TUT4: variants seen among roughly 807,000 people sequenced by gnomAD.
The protein encoded by TUT4 is terminal uridylyl transferase 4.
Under a neutral mutation model 192.2 loss-of-function variants are expected in TUT4, and 36 were observed. That is an observed-to-expected ratio of 0.19 (90% confidence interval 0.14 to 0.25). The LOEUF (loss-of-function observed/expected upper bound fraction) is 0.25, where lower values mean the gene tolerates loss of function less well. Among genes scored for constraint, TUT4 ranks in the 10% least tolerant of loss-of-function variants. The pLI, the probability that TUT4 is intolerant of heterozygous loss-of-function variation, is 1.00. For synonymous variants in TUT4, 618 were observed against 666.0 expected, an observed-to-expected ratio of 0.93 and a Z score of 1.11; for missense variants, 1,493 against 1,957.2, an observed-to-expected ratio of 0.76 and a Z score of 4.47.
chr1:52,463,672 C>T (rs1223605657), intron 16 of TUT4: 1 of 1,303,986 alleles, frequency 7.7e-7, no homozygotes, highest in African/African-American at 1.5e-5. Flanking sequence ...TACAAGGATA[C>T]CCTCCTTTGC....
Position 52,493,668 on chromosome 1 carries a change from A to G in TUT4, c.1267-6T>C, listed in dbSNP as rs756271742. The G allele has an allele frequency of 2.5e-5, 37 of 1,497,246 alleles. No homozygotes were observed. The East Asian group carries it at 3.2e-4, about 13-fold the overall frequency. 92.7% of individuals were successfully genotyped at this position (1,497,246 alleles called of 1,614,324 possible). ...AGAAGATCTGGATGATTCATCTAAA[A>G]AAGTTTCAAAAATAAATCGATATAC... On this transcript the variant is annotated splice_polypyrimidine_tract_variant and splice_region_variant and intron_variant, in intron 6 of 29. Transcript: ENST00000257177.
In TUT4 at chr1:52,481,648, G is replaced by A; in HGVS notation, c.1636-13C>T. On this transcript the variant is annotated splice_polypyrimidine_tract_variant and intron_variant, in intron 10 of 29. Transcript: ENST00000257177. The stretch of plus-strand genomic sequence containing the variant: ...CAAAGCCTTCAATCTATATAAAAAG[G>A]CATTCCAAATTGGTAGTGGAAAAAT... The A allele has an allele frequency of 1.3e-6, 2 of 1,571,770 alleles. No individual in the cohort carries two copies. The highest frequency in any genetic ancestry group is 1.4e-5 in the African/African-American group (1 of 72,324).
Position 52,535,371 on chromosome 1 carries a change from ACT to A in TUT4, c.-93-9000_-93-8999del, listed in dbSNP as rs1240825842. ...TTCTATCATATTTTTATTTCTAAGA[ACT>A]CTCTCTAATTATTCCTTTTCACAGC... On this transcript the variant is annotated intron_variant, in intron 1 of 29. Transcript: ENST00000257177. Among the ~76,000 whole-genome samples, 11 of 151,928 alleles carry A rather than the reference ACT, an allele frequency of 7.2e-5. No individual in the cohort carries two copies. The South Asian group carries it at 2.3e-3, about 32-fold the overall frequency.
Position 52,515,984 on chromosome 1 carries a change from C to T in TUT4, c.789G>A (p.Val263=). 1 of 1,613,580 alleles carries T rather than the reference C, an allele frequency of 6.2e-7. No individual in the cohort carries two copies. The highest frequency in any genetic ancestry group is 1.7e-5 in the Admixed American group (1 of 59,942). The stretch of plus-strand genomic sequence containing the variant: ...CAGGTGTCAATGCAGATTCATCTAT[C>T]ACAGTGGCATTTTCTAAGTAGTCCA... The part of the protein sequence containing the change: ...SEMDYLENAT[V]IDESALTPEQ... The change falls in exon 3 of 30, where the codon GTG becomes GTA. Residue 263 remains valine (V), a synonymous_variant. Transcript: ENST00000257177.
In TUT4 at chr1:52,509,600, A is replaced by G. The variant is rs768097082; in HGVS notation, c.995T>C (p.Ile332Thr). The G allele has an allele frequency of 3.3e-5, 50 of 1,505,318 alleles. 1 individual carries two copies. In the Middle Eastern group the frequency reaches 8.5e-4, roughly 26 times the overall value. The allele number at this position is 1,505,318 out of a possible 1,614,324, so 93.2% of individuals were successfully genotyped here. A position where few individuals can be genotyped will look rare whatever the true frequency, so the allele number is the denominator to read the frequency against. ...HIKEKRHKKN[I>T]LEKQEESELR... The stretch of plus-strand genomic sequence containing the variant: ...TATTTTTTAAAAAGAACTTACCAAA[A>G]TATTTTTCTTATGTCGTTTCTCCTT... The change falls in exon 4 of 30, where the codon ATT (isoleucine) becomes ACT (threonine). Residue 332 changes from isoleucine (I) to threonine (T), a missense_variant. Transcript: ENST00000257177.
chr1:52,531,365 C>G (rs1180530991), intron 1 of TUT4, among the ~76,000 whole-genome samples: 1 of 151,906 alleles, frequency 6.6e-6, no homozygotes, highest in African/African-American at 2.4e-5. Context: ...TGGGGGGCCA[C>G]ACTTAATGAA....
At chr1:52,477,946 G>A in intron 11 of TUT4, 64 bp from the exon 12 acceptor site, 2 of 1,420,884 alleles carry the variant, frequency 1.4e-6, no homozygotes. Flanking sequence ...CAAATTTTCA[G>A]TTAGAGAAGA....
At chr1:52,467,837 A>G (rs988648499) in intron 15 of TUT4, among the ~76,000 whole-genome samples, 5 of 152,150 alleles carry the variant, frequency 3.3e-5, no homozygotes, top group African/African-American at 4.8e-5. Context: ...TTCTCCTTGG[A>G]TATTTATATA....
intron 27 of TUT4, chr1:52,434,404 A>T (rs1219256282): frequency 6.6e-6 from 1 of 152,256 alleles, no homozygotes; most frequent in East Asian, 1.9e-4. Context: ...TGGCCACTCC[A>T]AGGATTAAAT....
rs141640184 is a variant in TUT4 at position 52,460,932 on chromosome 1, T to C, written c.3321+202A>G. The C allele has an allele frequency of 9.2e-4, 319 of 346,524 alleles. 1 individual carries two copies. Among genetic ancestry groups the C allele is most frequent in the African/African-American group, 6.1e-3 (289 of 47,726 alleles). The allele number at this position is 346,524 out of a possible 1,614,324, so 21.5% of individuals were successfully genotyped here. On this transcript the variant is annotated intron_variant, in intron 19 of 29. Transcript: ENST00000257177. Reference sequence around the variant, plus strand: ...GAGAAACTGACTAGTCAGTTGCACATGGGAATAGAATACATACAGGAAAAA... The same window carrying C: ...GAGAAACTGACTAGTCAGTTGCACACGGGAATAGAATACATACAGGAAAAA...
chr1:52,447,436 G>A (rs1353502836), intron 20 of TUT4, among the ~76,000 whole-genome samples: 3 of 147,208 alleles, frequency 2.0e-5, no homozygotes, highest in African/African-American at 2.5e-5. Flanking sequence ...GCGACAGGGC[G>A]AGACTCCATC....
At chr1:52,527,814 T>C (rs549716031) in intron 1 of TUT4, among the ~76,000 whole-genome samples, 1 of 152,214 alleles carries the variant, frequency 6.6e-6, no homozygotes, top group South Asian at 2.1e-4. Flanking sequence ...GCTATGCATG[T>C]GTGGATGCAG....
chr1:52,540,936 T>C (rs1385504060), intron 1 of TUT4, among the ~76,000 whole-genome samples: 1 of 152,174 alleles, frequency 6.6e-6, no homozygotes, highest in Non-Finnish European at 1.5e-5. Context: ...CCAGACGCAG[T>C]GGCTCACGCC....
intron 5 of TUT4, among the ~76,000 whole-genome samples, chr1:52,496,149 G>A (rs867378699): frequency 1.3e-5 from 2 of 152,118 alleles, no homozygotes; most frequent in Non-Finnish European, 2.9e-5. Flanking sequence ...GATTGGGACA[G>A]ATCAAGAAGA....
At chr1:52,454,719 G>A (rs1465712401) in intron 20 of TUT4, among the ~76,000 whole-genome samples, 1 of 152,102 alleles carries the variant, frequency 6.6e-6, no homozygotes, top group Admixed American at 6.6e-5. Context: ...TGACAAGATG[G>A]ACTTTACTAA....
intron 1 of TUT4, among the ~76,000 whole-genome samples, chr1:52,542,073 G>A (rs967018888): frequency 2.0e-5 from 3 of 152,148 alleles, no homozygotes; most frequent in Admixed American, 2.0e-4. Flanking sequence ...AAGACATTAT[G>A]CTATATGAAA....
At position 52,435,949 on chromosome 1, in the gene TUT4, T is replaced by C. The variant is rs76891416; in HGVS notation, c.4163-484A>G. 3.9e-3 allele frequency among the ~76,000 whole-genome samples: 594 copies of C among 152,062 alleles called. 3 individuals carry two copies. Among genetic ancestry groups the C allele is most frequent in the African/African-American group, 0.014 (563 of 41,490 alleles). On this transcript the variant is annotated intron_variant, in intron 26 of 29. Coordinates refer to ENST00000257177, the MANE Select transcript of TUT4 (RefSeq NM_001009881.3). ...TCTCTCTCTCACACACACACAAACC[T>C]TTCTGCAGTAAGAATCTGAGTAACT...
intron 7 of TUT4, among the ~76,000 whole-genome samples, chr1:52,492,220 C>T (rs1224792590): frequency 1.3e-5 from 2 of 152,166 alleles, no homozygotes; most frequent in African/African-American, 4.8e-5. Flanking sequence ...CTGTACCAAA[C>T]TCATTCCTAG....
Position 52,526,182 on chromosome 1 carries a change from T to C in TUT4, c.99A>G (p.Thr33=), listed in dbSNP as rs746075398. The change falls in exon 2 of 30, where the codon ACA becomes ACG. Residue 33 remains threonine (T), a synonymous_variant. Transcript: ENST00000257177. ...SKAVQVIGNQ[T]LKARNDKSVK... ...CGGATTTATCATTTCTAGCTTTCAA[T>C]GTTTGATTACCTATAACTTGAACTG... The C allele has an allele frequency of 5.0e-6, 8 of 1,611,836 alleles. No individual in the cohort carries two copies. The South Asian group carries it at 7.7e-5, about 16-fold the overall frequency.
Sources: gnomAD v4.1 joint callset for allele counts (sites outside exome capture counted in the v4.1 genomes callset) on GRCh38, gnomAD v4.1.1 for gene constraint, MANE v1.5 for transcripts, NCBI Gene and HGNC (gene_info 2026-07-23, HGNC 2026-07-21) for gene names.